RNF214: variants seen among roughly 807,000 people sequenced by gnomAD.
RNF214 encodes ring finger protein 214.
RNF214 carries 25 observed loss-of-function variants against 75.9 expected under a neutral mutation model. The observed-to-expected ratio is 0.33, with a 90% confidence interval of 0.24 to 0.46. The LOEUF is 0.46. Ranked by LOEUF, RNF214 falls within the 20% of genes least tolerant of loss-of-function variation. RNF214 has a pLI of 1.00. For missense variants in RNF214, 725 were observed against 857.5 expected (o/e 0.85, Z 1.93); for synonymous variants, 314 against 308.8 (o/e 1.02, Z -0.18).
intron 2 of RNF214, among the ~76,000 whole-genome samples, chr11:117,235,265 C>T (rs937655704): frequency 1.3e-5 from 2 of 152,126 alleles, no homozygotes; most frequent in African/African-American, 4.8e-5. Flanking sequence ...GGCGCGATCT[C>T]GGCTCACTGC....
rs903624605 is a variant in RNF214 at position 117,234,294 on chromosome 11, G to C, written c.22G>C (p.Gly8Arg). Reference sequence around the variant, plus strand: ...CATAATGGCAGCGTCTGAGGTTGCTGGTGTTGTGGCCAATGCCCCCAGTCC... The same window carrying C: ...CATAATGGCAGCGTCTGAGGTTGCTCGTGTTGTGGCCAATGCCCCCAGTCC... The part of the protein sequence containing the change: MAASEVA[G>R]VVANAPSPPE... The change falls in exon 2 of 15, where the codon GGT becomes CGT. Residue 8 changes from glycine (G) to arginine (R), a missense_variant. Physicochemically the swap from Gly to Arg is moderately radical, Grantham distance 125 (BLOSUM62 -2). Coordinates refer to ENST00000300650, the MANE Select transcript of RNF214 (RefSeq NM_207343.4). The C allele has an allele frequency of 5.0e-6, 8 of 1,613,972 alleles. No homozygotes were observed. Among genetic ancestry groups the C allele is most frequent in the Admixed American group, 3.3e-5 (2 of 59,998 alleles).
At position 117,246,856 on chromosome 11, in the gene RNF214, AAAG is replaced by A. The variant is rs748841822; in HGVS notation, c.875_877del (p.Lys292del). On this transcript the variant is annotated inframe_deletion, in exon 6 of 15. Transcript: ENST00000300650. ...ATGTGACAATAAAGCGGGAAGAAACAAAGAAGAAGATAGAGAAAGAGAAGAAGG... is the reference window on the plus strand; with the variant it reads ...ATGTGACAATAAAGCGGGAAGAAACAAAGAAGATAGAGAAAGAGAAGAAGG... 8.1e-6 allele frequency: 13 copies of A among 1,612,838 alleles called. No homozygotes were observed. Among genetic ancestry groups the A allele is most frequent in the African/African-American group, 1.3e-5 (1 of 75,028 alleles).
At chr11:117,284,226 C>G in intron 14 of RNF214, among the ~76,000 whole-genome samples, 1 of 152,176 alleles carries the variant, frequency 6.6e-6, no homozygotes, top group Middle Eastern at 3.2e-3. Flanking sequence ...AGATTAGTAA[C>G]TCCATTAACA....
intron 2 of RNF214, among the ~76,000 whole-genome samples, chr11:117,236,434 C>T (rs1460740308): frequency 5.3e-5 from 8 of 152,064 alleles, no homozygotes; most frequent in Non-Finnish European, 1.0e-4. Flanking sequence ...CCACCACACC[C>T]GGCTAATTTT....
intron 10 of RNF214, 26 bp downstream of exon 10, chr11:117,281,724 T>C: frequency 1.3e-6 from 2 of 1,572,862 alleles, no homozygotes; most frequent in Middle Eastern, 1.7e-4. Flanking sequence ...TGGGGGGAAG[T>C]TCACCTTTCT....
intron 6 of RNF214, among the ~76,000 whole-genome samples, chr11:117,250,089 G>C (rs1402870505): frequency 9.2e-5 from 14 of 152,168 alleles, no homozygotes; most frequent in Non-Finnish European, 1.5e-5. Flanking sequence ...ATAAACAGAT[G>C]ATTGCAAAAT....
intron 6 of RNF214, among the ~76,000 whole-genome samples, chr11:117,272,627 A>T (rs1216241874): frequency 3.3e-5 from 5 of 151,482 alleles, no homozygotes; most frequent in East Asian, 1.9e-4. Flanking sequence ...TTTTTTTTTA[A>T]AAAGAAAGAA....
chr11:117,245,039 C>A (rs961884406), intron 5 of RNF214, among the ~76,000 whole-genome samples: 1 of 151,394 alleles, frequency 6.6e-6, no homozygotes, highest in Non-Finnish European at 1.5e-5. Context: ...AAAGGCAAGG[C>A]GGGGTGTGGT....
At chr11:117,244,620 A>C (rs2033163220) in intron 5 of RNF214, 35 bp downstream of exon 5, 5 of 1,522,064 alleles carry the variant, frequency 3.3e-6, no homozygotes, top group Non-Finnish European at 2.7e-6. Context: ...CAATGAGTTA[A>C]GCAACAGTCT....
At chr11:117,246,321 G>A (rs1356921135) in intron 5 of RNF214, among the ~76,000 whole-genome samples, 1 of 151,486 alleles carries the variant, frequency 6.6e-6, no homozygotes, top group Non-Finnish European at 1.5e-5. Context: ...ATGTATATCT[G>A]TGTGTATATG....
intron 6 of RNF214, among the ~76,000 whole-genome samples, chr11:117,260,717 C>T (rs55800261): frequency 1.4e-3 from 35 of 25,660 alleles, no homozygotes; most frequent in African/African-American, 1.8e-3. Flanking sequence ...AATAATGGCG[C>T]GATCTTGGCT....
rs1166669550 is a variant in RNF214 at position 117,286,322 on chromosome 11, A to G, written c.*1171A>G. On this transcript the variant is annotated 3_prime_UTR_variant, in exon 15 of 15. Transcript: ENST00000300650. ...TCCACCTCTGCTTATTGTACTTCTT[A>G]ATTTTAGGTTTTATACCTGGGAAAG... 6.6e-6 allele frequency: 1 copy of G among 152,136 alleles called. No individual in the cohort carries two copies. The highest frequency in any genetic ancestry group is 2.4e-5 in the African/African-American group (1 of 41,428). The allele number at this position is 152,136 out of a possible 1,614,324, so 9.4% of individuals were successfully genotyped here.
chr11:117,286,268 G>T lies in RNF214; in HGVS notation c.*1117G>T, dbSNP rs1290854376. On this transcript the variant is annotated 3_prime_UTR_variant, in exon 15 of 15. Coordinates refer to ENST00000300650, the MANE Select transcript of RNF214 (RefSeq NM_207343.4). ...TTCAAATTTATAAATCACTTGCTCT[G>T]TGGGTAGCTATCAGGAACTAGATCA... 6.6e-6 allele frequency: 1 copy of T among 152,314 alleles called. No individual in the cohort carries two copies. The allele number at this position is 152,314 out of a possible 1,614,324, so 9.4% of individuals were successfully genotyped here.
intron 6 of RNF214, among the ~76,000 whole-genome samples, chr11:117,247,716 C>T (rs1047889727): frequency 6.6e-6 from 1 of 151,760 alleles, no homozygotes; most frequent in African/African-American, 2.4e-5. Flanking sequence ...CCAGGCGTGG[C>T]GGCGTGCACC....
At chr11:117,269,398 G>A (rs1411092422) in intron 6 of RNF214, among the ~76,000 whole-genome samples, 1 of 152,146 alleles carries the variant, frequency 6.6e-6, no homozygotes, top group African/African-American at 2.4e-5. Context: ...GTCTCACTCT[G>A]TCACCCAGCC....
At position 117,285,168 on chromosome 11, in the gene RNF214, GGAA is replaced by G. The variant is rs773165203; in HGVS notation, c.*26_*28del. On this transcript the variant is annotated 3_prime_UTR_variant, in exon 15 of 15. Transcript: ENST00000300650. ...CTTAAATGACGGACCTGACTGGGGA[GGAA>G]GAAGAAGAGAAACTGATGTGAACAG... 7.0e-6 allele frequency: 11 copies of G among 1,576,834 alleles called. No homozygotes were observed. Among genetic ancestry groups the G allele is most frequent in the South Asian group, 4.4e-5 (4 of 90,270 alleles).
At chr11:117,271,979 A>G (rs2033920700) in intron 6 of RNF214, among the ~76,000 whole-genome samples, 1 of 152,068 alleles carries the variant, frequency 6.6e-6, no homozygotes, top group East Asian at 1.9e-4. Context: ...TGCCCAGTTA[A>G]TCTTTTTATT....
chr11:117,280,978 A>AG (rs1386473793), intron 8 of RNF214, among the ~76,000 whole-genome samples: 4 of 114,378 alleles, frequency 3.5e-5, no homozygotes, highest in African/African-American at 6.7e-5. Flanking sequence ...AATTAGGAAT[A>AG]GGGCTTTTTT....
intron 2 of RNF214, among the ~76,000 whole-genome samples, chr11:117,238,193 T>G (rs1368098938): frequency 6.6e-6 from 1 of 152,160 alleles, no homozygotes; most frequent in Non-Finnish European, 1.5e-5. Flanking sequence ...GATGGATCCC[T>G]TGAGTACAGG....
Sources: allele counts gnomAD v4.1 joint callset (sites outside exome capture counted in the v4.1 genomes callset), GRCh38; gene constraint gnomAD v4.1.1; transcripts MANE v1.5; gene names NCBI Gene and HGNC (gene_info 2026-07-23, HGNC 2026-07-21).